NELL1: variants seen among roughly 807,000 people sequenced by gnomAD.
NELL1 encodes the protein neural EGFL like 1, also known as protein kinase C-binding protein NELL1.
NELL1 carries 76 observed loss-of-function variants against 107.4 expected under a neutral mutation model. The ratio of observed to expected loss-of-function variants is 0.71; its 90% CI spans 0.59 to 0.86. NELL1 has a LOEUF of 0.86. Ranked by LOEUF, NELL1 falls within the 40% of genes least tolerant of loss-of-function variation. The pLI, the probability that NELL1 is intolerant of heterozygous loss-of-function variation, is 0.00. For synonymous variants in NELL1, 353 were observed against 341.2 expected (o/e 1.03, Z -0.38); for missense variants, 1,024 against 1,005.5 (o/e 1.02, Z -0.25).
At chr11:20,700,630 G>T (rs1854754297) in intron 2 of NELL1, among the ~76,000 whole-genome samples, 1 of 151,936 alleles carries the variant, frequency 6.6e-6, no homozygotes, top group South Asian at 2.1e-4. Context: ...TTTACATTAG[G>T]TATATATCCT....
intron 2 of NELL1, among the ~76,000 whole-genome samples, chr11:20,745,558 T>C (rs1477505163): frequency 6.6e-6 from 1 of 152,208 alleles, no homozygotes; most frequent in Non-Finnish European, 1.5e-5. Flanking sequence ...TAAAAGCACA[T>C]TAATTTTAGT....
chr11:21,280,842 A>T (rs576189675), intron 14 of NELL1, among the ~76,000 whole-genome samples: 1 of 152,168 alleles, frequency 6.6e-6, no homozygotes, highest in South Asian at 2.1e-4. Context: ...AATAAACATT[A>T]TTTAAGGTTC....
intron 14 of NELL1, among the ~76,000 whole-genome samples, chr11:21,349,183 G>T (rs1850748324): frequency 6.6e-6 from 1 of 152,120 alleles, no homozygotes; most frequent in South Asian, 2.1e-4. Flanking sequence ...AAAAATTCTT[G>T]CTTTTAAGGC....
chr11:20,786,851 A>G (rs7118582), intron 3 of NELL1, among the ~76,000 whole-genome samples: 2,156 of 151,814 alleles, frequency 0.014, 26 homozygotes, highest in South Asian at 0.037. Flanking sequence ...TACTAAAAAT[A>G]CAAAAAATTA....
chr11:21,453,910 A>G (rs193096253), intron 15 of NELL1, among the ~76,000 whole-genome samples: 2 of 146,330 alleles, frequency 1.4e-5, no homozygotes, highest in East Asian at 3.9e-4. Context: ...GAACTTGATC[A>G]TAGGTTCTTT....
chr11:20,762,706 C>T (rs145781320), intron 2 of NELL1, among the ~76,000 whole-genome samples: 60 of 152,262 alleles, frequency 3.9e-4, no homozygotes, highest in African/African-American at 1.3e-3. Context: ...TAAATAGAAA[C>T]GTTGACAGGC....
At chr11:20,997,954 A>C (rs1438300625) in intron 12 of NELL1, among the ~76,000 whole-genome samples, 1 of 152,186 alleles carries the variant, frequency 6.6e-6, no homozygotes, top group Non-Finnish European at 1.5e-5. Flanking sequence ...CCTGGGTGAT[A>C]GACCAAGACC....
chr11:21,160,388 G>A (rs1321358662), intron 13 of NELL1, among the ~76,000 whole-genome samples: 6 of 152,078 alleles, frequency 3.9e-5, no homozygotes, highest in African/African-American at 1.2e-4. Flanking sequence ...CATCCGACAT[G>A]GTGTTCTCTA....
chr11:21,195,677 GAT>G (rs1047967484), intron 13 of NELL1, among the ~76,000 whole-genome samples: 12 of 151,392 alleles, frequency 7.9e-5, no homozygotes, highest in African/African-American at 2.9e-4. Context: ...TTATTAATGA[GAT>G]ATTTTACATT....
intron 14 of NELL1, among the ~76,000 whole-genome samples, chr11:21,334,194 A>G (rs1282538361): frequency 1.3e-5 from 2 of 152,042 alleles, no homozygotes; most frequent in African/African-American, 2.4e-5. Context: ...TAAAAAGAAC[A>G]TAGGTATAAT....
At chr11:21,184,207 T>C (rs1432811399) in intron 13 of NELL1, among the ~76,000 whole-genome samples, 1 of 151,884 alleles carries the variant, frequency 6.6e-6, no homozygotes, top group Non-Finnish European at 1.5e-5. Flanking sequence ...TCCTACCCCA[T>C]TCTATGTCCT....
chr11:21,207,226 G>C (rs987422213), intron 13 of NELL1, among the ~76,000 whole-genome samples: 1 of 152,034 alleles, frequency 6.6e-6, no homozygotes, highest in African/African-American at 2.4e-5. Flanking sequence ...ACACTTTTTT[G>C]CGTAGTCTCT....
Position 20,854,597 on chromosome 11 carries a change from C to T in NELL1, c.506+6844C>T, listed in dbSNP as rs185591672. On this transcript the variant is annotated intron_variant, in intron 4 of 19. Transcript: ENST00000357134. ...CTCTTTTTCTTTTTTAAATCACTTGCTGGAGTAGATACTGAATATGTACTT... is the reference window on the plus strand; with the variant it reads ...CTCTTTTTCTTTTTTAAATCACTTGTTGGAGTAGATACTGAATATGTACTT... 1.1e-4 allele frequency among the ~76,000 whole-genome samples: 16 copies of T among 152,304 alleles called. No homozygotes were observed. In the East Asian group the frequency reaches 2.5e-3, roughly 24 times the overall value.
At chr11:20,754,787 T>G (rs1460742604) in intron 2 of NELL1, among the ~76,000 whole-genome samples, 1 of 152,120 alleles carries the variant, frequency 6.6e-6, no homozygotes, top group Non-Finnish European at 1.5e-5. Context: ...AATCGTAACA[T>G]AAGAATTCAA....
chr11:20,715,002 G>C (rs1033089055), intron 2 of NELL1, among the ~76,000 whole-genome samples: 1 of 152,048 alleles, frequency 6.6e-6, no homozygotes, highest in African/African-American at 2.4e-5. Flanking sequence ...CCAGTACTTC[G>C]GGAGGCCAAG....
intron 14 of NELL1, among the ~76,000 whole-genome samples, chr11:21,368,477 C>T (rs997312635): frequency 6.6e-6 from 1 of 151,202 alleles, no homozygotes; most frequent in Non-Finnish European, 1.5e-5. Context: ...CTGTAACAAA[C>T]AAGGAAGGGG....
chr11:21,549,991 G>GT (rs1856538348), intron 16 of NELL1, among the ~76,000 whole-genome samples: 1 of 151,752 alleles, frequency 6.6e-6, no homozygotes, highest in African/African-American at 2.4e-5. Flanking sequence ...GAAAGGGTAG[G>GT]TTTTTCCCAT....
At chr11:21,037,206 A>T (rs572256138) in intron 12 of NELL1, among the ~76,000 whole-genome samples, 1 of 151,042 alleles carries the variant, frequency 6.6e-6, no homozygotes, top group Non-Finnish European at 1.5e-5. Context: ...CTAATGTGAG[A>T]AGCCAATTTT....
chr11:20,746,844 C>T (rs957230319), intron 2 of NELL1, among the ~76,000 whole-genome samples: 37 of 152,140 alleles, frequency 2.4e-4, no homozygotes, highest in Non-Finnish European at 2.9e-4. Context: ...CCTGGTTCTA[C>T]ACCATTATAT....
Sources: allele counts gnomAD v4.1 joint callset (sites outside exome capture counted in the v4.1 genomes callset), GRCh38; gene constraint gnomAD v4.1.1; transcripts MANE v1.5; gene names NCBI Gene and HGNC (gene_info 2026-07-23, HGNC 2026-07-21).